DRC9: variants seen among roughly 807,000 people sequenced by gnomAD.
DRC9 encodes dynein regulatory complex protein 9.
chr3:197,891,229 T>G, the DRC9 span, among the ~76,000 whole-genome samples: 2 of 152,184 alleles, frequency 1.3e-5, no homozygotes. Flanking sequence ...CACCTCTTTT[T>G]CCCCAGATGA....
chr3:197,955,794 T>A, the DRC9 span: 53 of 1,585,356 alleles, frequency 3.3e-5, no homozygotes, highest in Non-Finnish European at 4.3e-5. Context: ...AATCAATAAA[T>A]AAATGTGGAT....
chr3:197,901,878 T>C, the DRC9 span, among the ~76,000 whole-genome samples: 476 of 152,100 alleles, frequency 3.1e-3, 5 homozygotes, highest in African/African-American at 0.011. The surrounding 1 kb of genome is among the most constrained non-coding windows in gnomAD (Gnocchi z 4.4). Context: ...GGGCCTTGAG[T>C]GAACATAGGT....
chr3:197,904,568 A>C, the DRC9 span, among the ~76,000 whole-genome samples: 1 of 152,254 alleles, frequency 6.6e-6, no homozygotes, highest in Non-Finnish European at 1.5e-5. Flanking sequence ...AGACGAACGG[A>C]TAAAGAAAAG....
chr3:197,953,609 T>G, the DRC9 span: 3 of 458,566 alleles, frequency 6.5e-6, no homozygotes, highest in African/African-American at 6.0e-5. Context: ...CTTTCCAGTC[T>G]TTGTTCCATG....
the DRC9 span, chr3:197,926,081 T>C: frequency 6.3e-7 from 1 of 1,578,812 alleles, no homozygotes; most frequent in Non-Finnish European, 8.7e-7. Flanking sequence ...GAAGTGATAT[T>C]ATCTGTTTTC....
At chr3:197,920,425 A>G in the DRC9 span, among the ~76,000 whole-genome samples, 1 of 133,310 alleles carries the variant, frequency 7.5e-6, no homozygotes, top group South Asian at 2.4e-4. Context: ...CCCCATCTCA[A>G]TTAAAAAAAA....
At chr3:197,909,595 T>C in the DRC9 span, among the ~76,000 whole-genome samples, 4 of 148,572 alleles carry the variant, frequency 2.7e-5, no homozygotes, top group Admixed American at 1.3e-4. Flanking sequence ...ATATATTCTA[T>C]CAATCAGCTG....
At chr3:197,928,835 G>A in the DRC9 span, among the ~76,000 whole-genome samples, 1 of 152,172 alleles carries the variant, frequency 6.6e-6, no homozygotes, top group African/African-American at 2.4e-5. Flanking sequence ...AAGCTAAGAA[G>A]AAGAAAACAG....
the DRC9 span, among the ~76,000 whole-genome samples, chr3:197,937,756 G>A: frequency 5.3e-5 from 8 of 152,030 alleles, no homozygotes; most frequent in South Asian, 8.3e-4. Flanking sequence ...GGGATTACAG[G>A]TTGAGCCCCC....
At chr3:197,905,772 G>A in the DRC9 span, among the ~76,000 whole-genome samples, 1 of 151,898 alleles carries the variant, frequency 6.6e-6, no homozygotes, top group African/African-American at 2.4e-5. Flanking sequence ...CATTATGATC[G>A]AGTAAGGTTT....
At chr3:197,943,627 A>G in the DRC9 span, 1 of 726,688 alleles carries the variant, frequency 1.4e-6, no homozygotes, top group East Asian at 2.7e-5. Flanking sequence ...CCACAGAGCG[A>G]GACCCTGTCA....
the DRC9 span, chr3:197,891,528 AC>A: frequency 3.1e-6 from 5 of 1,588,338 alleles, no homozygotes; most frequent in South Asian, 5.5e-5. Flanking sequence ...TTCAATGATG[AC>A]CTGTTCATAC....
At chr3:197,894,776 C>T in the DRC9 span, among the ~76,000 whole-genome samples, 2 of 152,124 alleles carry the variant, frequency 1.3e-5, no homozygotes, top group African/African-American at 4.8e-5. Context: ...TCAATCATTG[C>T]GATTACACTG....
At chr3:197,891,883 TTTTG>T in the DRC9 span, among the ~76,000 whole-genome samples, 9 of 152,236 alleles carry the variant, frequency 5.9e-5, no homozygotes, top group East Asian at 1.2e-3. Flanking sequence ...CAGCTGTCTT[TTTTG>T]TTTGTTTGTT....
the DRC9 span, among the ~76,000 whole-genome samples, chr3:197,893,687 C>CA: frequency 0.22 from 27,280 of 124,192 alleles, 3,737 homozygotes; most frequent in African/African-American, 0.43. Flanking sequence ...ACTAAAACTA[C>CA]AAAAAAAAAA....
the DRC9 span, among the ~76,000 whole-genome samples, chr3:197,910,463 G>A: frequency 2.2e-4 from 33 of 152,136 alleles, 1 homozygote; most frequent in Non-Finnish European, 3.8e-4. Context: ...CAGGTAACAT[G>A]ATACATAATT....
chr3:197,955,991 CAG>C, the DRC9 span: 2 of 548,902 alleles, frequency 3.6e-6, no homozygotes, highest in Admixed American at 2.9e-5. Context: ...GTATCTTTGA[CAG>C]AGTCTTGCTC....
the DRC9 span, chr3:197,889,645 C>T: frequency 6.2e-7 from 1 of 1,614,238 alleles, no homozygotes; most frequent in East Asian, 2.2e-5. Context: ...TTGCTATCAA[C>T]TTTGTCTTTA....
the DRC9 span, among the ~76,000 whole-genome samples, chr3:197,903,801 CTAA>C: frequency 4.0e-5 from 6 of 151,754 alleles, no homozygotes; most frequent in African/African-American, 1.4e-4. Context: ...AGGAAAAAAT[CTAA>C]TAATGTGAAA....
Sources: gnomAD v4.1 joint callset for allele counts (sites outside exome capture counted in the v4.1 genomes callset) on GRCh38, gnomAD v4.1.1 for gene constraint, Gnocchi (gnomAD v3.1) non-coding constraint, MANE v1.5 for transcripts, NCBI Gene and HGNC (gene_info 2026-07-23, HGNC 2026-07-21) for gene names.